CNIH3: variants seen among roughly 807,000 people sequenced by gnomAD.
The protein encoded by CNIH3 is protein cornichon homolog 3.
In CNIH3, 14 loss-of-function variants were observed where a neutral mutation model predicts 24.1. The ratio of observed to expected loss-of-function variants is 0.58; its 90% confidence interval spans 0.38 to 0.91. The LOEUF is 0.91. Ranked by LOEUF, CNIH3 falls within the 40% of genes least tolerant of loss-of-function variation. The probability of loss-of-function intolerance (pLI) is 0.00; values close to 1 mark genes in which losing one functional copy is unlikely to be tolerated. For missense variants in CNIH3, 178 were observed against 196.8 expected (o/e 0.90, Z 0.57); for synonymous variants, 68 against 73.8 (o/e 0.92, Z 0.40).
In CNIH3 at chr1:224,649,512, A is replaced by G. The variant is rs1684768610; in HGVS notation, c.82-31446A>G. Reference sequence around the variant, plus strand: ...GCAGTAGGAACTAATACTATAATGTATACCTAATTTCCAGCACAGAGCCTG... The same window carrying G: ...GCAGTAGGAACTAATACTATAATGTGTACCTAATTTCCAGCACAGAGCCTG... On this transcript the variant is annotated intron_variant, in intron 1 of 5. Transcript: ENST00000272133. Among the ~76,000 whole-genome samples, 5 of 152,232 alleles carry G rather than the reference A, an allele frequency of 3.3e-5. No individual in the cohort carries two copies. The South Asian group carries it at 1.0e-3, about 32-fold the overall frequency.
chr1:224,570,315 C>T (rs1201346662), intron 4 of CNIH3, among the ~76,000 whole-genome samples: 1 of 151,370 alleles, frequency 6.6e-6, no homozygotes, highest in Admixed American at 6.6e-5. Context: ...TCAATCCTTC[C>T]CTCCCCCTCC....
intron 3 of CNIH3, among the ~76,000 whole-genome samples, chr1:224,728,835 G>A (rs530885094): frequency 6.6e-6 from 1 of 152,310 alleles, no homozygotes; most frequent in African/African-American, 2.4e-5. Context: ...TCATTTCAAT[G>A]CACTTTACCA....
chr1:224,448,461 G>A lies in CNIH3; in HGVS notation n.203+13599G>A, dbSNP rs528377557. Among the ~76,000 whole-genome samples the A allele has an allele frequency of 1.1e-3, 166 of 152,294 alleles. 1 individual carries two copies. The highest frequency in any genetic ancestry group is 3.8e-3 in the African/African-American group (160 of 41,574). Reference sequence around the variant, plus strand: ...GGAGGTAATTATAATTTGATCTTTAGATCAGATTCAGACTTAAGAAACATT... The same window carrying A: ...GGAGGTAATTATAATTTGATCTTTAAATCAGATTCAGACTTAAGAAACATT... On this transcript the variant is annotated intron_variant and non_coding_transcript_variant, in intron 1 of 5. Coordinates refer to the CNIH3 transcript ENST00000471578.
intron 2 of CNIH3, among the ~76,000 whole-genome samples, chr1:224,525,865 G>A (rs1024552953): frequency 6.6e-6 from 1 of 152,116 alleles, no homozygotes; most frequent in East Asian, 1.9e-4. Flanking sequence ...AGGCAGAAGA[G>A]CCAGGAGACA....
intron 1 of CNIH3, among the ~76,000 whole-genome samples, chr1:224,444,766 T>C (rs1675076244): frequency 6.6e-6 from 1 of 152,216 alleles, no homozygotes; most frequent in Admixed American, 6.5e-5. Context: ...TGCCTCAGCC[T>C]TTTGAATGGA....
chr1:224,730,343 G>A (rs1189720352), intron 3 of CNIH3, 119 bp from the exon 4 acceptor site: 17 of 650,474 alleles, frequency 2.6e-5, no homozygotes, highest in Non-Finnish European at 4.5e-5. Flanking sequence ...TTGCTGCAGG[G>A]AGGGCCTTTG....
At chr1:224,698,818 C>G (rs2125169900) in intron 3 of CNIH3, among the ~76,000 whole-genome samples, 1 of 152,314 alleles carries the variant, frequency 6.6e-6, no homozygotes, top group South Asian at 2.1e-4. Context: ...TGCCTGCAGC[C>G]AGCGCAGCAC....
At chr1:224,597,808 A>C (rs1408222806) in intron 3 of CNIH3, among the ~76,000 whole-genome samples, 1 of 152,236 alleles carries the variant, frequency 6.6e-6, no homozygotes, top group Non-Finnish European at 1.5e-5. Flanking sequence ...GAAGGGAGTC[A>C]TAGGAGCCCT....
chr1:224,658,477 A>G (rs1446155198), intron 1 of CNIH3, among the ~76,000 whole-genome samples: 2 of 152,144 alleles, frequency 1.3e-5, no homozygotes, highest in Non-Finnish European at 2.9e-5. Flanking sequence ...AAAAAGACTG[A>G]ATTTAAAACT....
At chr1:224,511,254 G>T (rs1416030221), upstream of CNIH3, among the ~76,000 whole-genome samples, 1 of 152,168 alleles carries the variant, frequency 6.6e-6, no homozygotes, top group Admixed American at 6.5e-5. Flanking sequence ...GTAACTCATG[G>T]TGTGATGTTA....
At chr1:224,737,964 C>T (rs1281831593) in intron 5 of CNIH3, among the ~76,000 whole-genome samples, 2 of 152,122 alleles carry the variant, frequency 1.3e-5, no homozygotes, top group Non-Finnish European at 2.9e-5. Context: ...AGATTTTTTT[C>T]CGACCTGAAG....
At chr1:224,735,945 A>G (rs1169442634) in intron 5 of CNIH3, among the ~76,000 whole-genome samples, 3 of 151,676 alleles carry the variant, frequency 2.0e-5, no homozygotes, top group Non-Finnish European at 4.4e-5. Context: ...ACATTTAAAA[A>G]TGAGCCAGGC....
intron 3 of CNIH3, among the ~76,000 whole-genome samples, chr1:224,712,747 T>C (rs1688222877): frequency 6.6e-6 from 1 of 152,230 alleles, no homozygotes; most frequent in South Asian, 2.1e-4. Context: ...ATATTCCTCA[T>C]CAATTATTTC....
intron 1 of CNIH3, among the ~76,000 whole-genome samples, chr1:224,646,442 G>C (rs999556748): frequency 2.0e-5 from 3 of 152,204 alleles, no homozygotes; most frequent in Admixed American, 2.0e-4. Context: ...GTCTCACTCT[G>C]TCTTCCAGGC....
chr1:224,514,751 A>G (rs1046622459), upstream of CNIH3, among the ~76,000 whole-genome samples: 13 of 152,144 alleles, frequency 8.5e-5, no homozygotes, highest in African/African-American at 3.1e-4. Context: ...GGATCACCTG[A>G]GCCCAGGGAG....
intron 3 of CNIH3, among the ~76,000 whole-genome samples, chr1:224,723,324 AC>A (rs139867317): frequency 0.021 from 3,231 of 151,706 alleles, 126 homozygotes; most frequent in African/African-American, 0.074. Flanking sequence ...GCTGGTTTTG[AC>A]CCCCCTTCTC....
At chr1:224,523,482 G>T (rs529995920) in intron 2 of CNIH3, among the ~76,000 whole-genome samples, 1 of 152,280 alleles carries the variant, frequency 6.6e-6, no homozygotes, top group East Asian at 1.9e-4. Flanking sequence ...TAAGACTCAA[G>T]ACCAGGCAAA....
chr1:224,550,622 A>G (rs1166026311), intron 3 of CNIH3, among the ~76,000 whole-genome samples: 1 of 152,220 alleles, frequency 6.6e-6, no homozygotes, highest in East Asian at 1.9e-4. Context: ...ACGTTATAGA[A>G]CTATCAAAGT....
intron 1 of CNIH3, among the ~76,000 whole-genome samples, chr1:224,520,377 A>G (rs528813599): frequency 6.6e-6 from 1 of 152,330 alleles, no homozygotes; most frequent in East Asian, 1.9e-4. Flanking sequence ...ACTTAAGAAC[A>G]CTGACTTCCA....
Sources: gnomAD v4.1 joint callset for allele counts (sites outside exome capture counted in the v4.1 genomes callset) on GRCh38, gnomAD v4.1.1 for gene constraint, MANE v1.5 for transcripts, NCBI Gene and HGNC (gene_info 2026-07-23, HGNC 2026-07-21) for gene names.